The following PPIA variants were observed in gnomAD, a reference collection of about 807,000 sequenced individuals.
The protein encoded by PPIA is peptidyl-prolyl cis-trans isomerase A.
A neutral mutation model predicts 15.3 loss-of-function variants in PPIA; 2 were observed. That is an observed-to-expected ratio of 0.13 (90% confidence interval 0.05 to 0.41). The LOEUF is 0.41. Ranked by LOEUF, PPIA falls within the 10% of genes least tolerant of loss-of-function variation. PPIA has a pLI of 0.99. For synonymous variants in PPIA, 67 were observed against 73.1 expected (o/e 0.92, Z 0.43); for missense variants, 103 against 210.3 (o/e 0.49, Z 3.16).
At chr7:44,801,202 A>G (rs78710940) in intron 4 of PPIA, 85 bp from the exon 5 acceptor site, 5 of 1,388,898 alleles carry the variant, frequency 3.6e-6, no homozygotes, top group Non-Finnish European at 4.9e-6. Flanking sequence ...AAAAAAAAAA[A>G]GCTACCTTTC....
intron 4 of PPIA, 26 bp downstream of exon 4, chr7:44,799,900 C>A (rs138811894): frequency 6.9e-6 from 11 of 1,601,730 alleles, no homozygotes; most frequent in African/African-American, 5.3e-5. Context: ...GGCACACTAA[C>A]CACCTGACTA....
At chr7:44,800,032 A>ATG in intron 4 of PPIA, 158 bp downstream of exon 4, 1 of 733,342 alleles carries the variant, frequency 1.4e-6, no homozygotes, top group South Asian at 1.9e-5. Context: ...AATATAGCCA[A>ATG]TGTGATACAG....
At position 44,796,699 on chromosome 7, in the gene PPIA, C is replaced by G. The variant is rs980723407; in HGVS notation, c.-26C>G. 1.9e-6 allele frequency: 3 copies of G among 1,607,946 alleles called. No homozygotes were observed. Among genetic ancestry groups the G allele is most frequent in the East Asian group, 2.2e-5 (1 of 44,576 alleles). On this transcript the variant is annotated 5_prime_UTR_variant, in exon 1 of 5. Transcript: ENST00000468812. ...TCGTGCCGTTTTGCAGACGCCACCG[C>G]CGAGGAAAACCGTGTACTATTAGCC...
At chr7:44,799,313 A>C (rs1480246339) in intron 2 of PPIA, 36 bp downstream of exon 2, 1 of 1,612,242 alleles carries the variant, frequency 6.2e-7, no homozygotes, top group Admixed American at 1.7e-5. Context: ...AAGATGTTCC[A>C]ATTGTGACAG....
At chr7:44,799,982 C>A in intron 4 of PPIA, 108 bp downstream of exon 4, 1 of 1,153,718 alleles carries the variant, frequency 8.7e-7, no homozygotes, top group Non-Finnish European at 1.3e-6. Context: ...CAGACTTTTT[C>A]ATCCCTAAGA....
At chr7:44,801,203 G>A (rs77180519) in intron 4 of PPIA, 84 bp from the exon 5 acceptor site, 7 of 1,359,398 alleles carry the variant, frequency 5.1e-6, no homozygotes, top group Admixed American at 2.5e-5. Context: ...AAAAAAAAAA[G>A]CTACCTTTCT....
At chr7:44,797,233 G>A (rs1197637471) in intron 1 of PPIA, among the ~76,000 whole-genome samples, 1 of 152,202 alleles carries the variant, frequency 6.6e-6, no homozygotes, top group Non-Finnish European at 1.5e-5. Context: ...GCAGGCATGG[G>A]TGCTTTACAT....
intron 1 of PPIA, among the ~76,000 whole-genome samples, 199 bp downstream of exon 1, chr7:44,796,992 C>T (rs1792388714): frequency 6.6e-6 from 1 of 152,084 alleles, no homozygotes; most frequent in Non-Finnish European, 1.5e-5. Context: ...CGGCGGCGGA[C>T]AAAGGCAGGC....
chr7:44,797,317 G>A (rs2116980623), intron 1 of PPIA, among the ~76,000 whole-genome samples: 1 of 152,288 alleles, frequency 6.6e-6, no homozygotes, highest in South Asian at 2.1e-4. Flanking sequence ...TCCATGCTCG[G>A]TCCTGTAGAT....
intron 1 of PPIA, among the ~76,000 whole-genome samples, chr7:44,797,014 G>A (rs1015825687): frequency 7.2e-5 from 11 of 152,114 alleles, no homozygotes; most frequent in African/African-American, 2.7e-4. Flanking sequence ...GGGCGGCTGC[G>A]AGGCCGTTGG....
At chr7:44,797,885 G>A (rs891987508) in intron 1 of PPIA, 1 of 152,186 alleles carries the variant, frequency 6.6e-6, no homozygotes, top group Non-Finnish European at 1.5e-5. Context: ...TCCTCATGCA[G>A]TCTTCGTGAG....
rs1792569916 is a variant in PPIA at position 44,801,790 on chromosome 7, A to AT, written c.*369dup. The stretch of plus-strand genomic sequence containing the variant: ...ATGTTTGTTGAGTGGAATATTGAAA[A>AT]TGTAGGCAGCAACTGGGCATGGTGG... On this transcript the variant is annotated 3_prime_UTR_variant, in exon 5 of 5. Coordinates refer to ENST00000468812, the MANE Select transcript of PPIA (RefSeq NM_021130.5). The AT allele has an allele frequency of 9.8e-6, 2 of 203,738 alleles. No individual in the cohort carries two copies. The highest frequency in any genetic ancestry group is 1.5e-4 in the South Asian group (2 of 13,172). The allele number at this position is 203,738 out of a possible 1,614,324, so 12.6% of individuals were successfully genotyped here.
At chr7:44,800,397 G>GTTTTTTTT (rs139479853) in intron 4 of PPIA, 1 of 90,946 alleles carries the variant, frequency 1.1e-5, no homozygotes, top group Admixed American at 1.1e-4. Context: ...CCAATTAAGT[G>GTTTTTTTT]CTTTTTTTTT....
Position 44,802,325 on chromosome 7 carries a change from T to G in PPIA, c.*903T>G, listed in dbSNP as rs17860094. 7,816 of 152,144 alleles carry G rather than the reference T, an allele frequency of 0.051. 272 individuals carry two copies. The highest frequency in any genetic ancestry group is 0.078 in the Admixed American group (1,191 of 15,270). The allele number at this position is 152,144 out of a possible 1,614,324, so 9.4% of individuals were successfully genotyped here. A position where few individuals can be genotyped will look rare whatever the true frequency, so the allele number is the denominator to read the frequency against. On this transcript the variant is annotated 3_prime_UTR_variant, in exon 5 of 5. Transcript: ENST00000468812. Reference sequence around the variant, plus strand: ...CACCATGCCCAGCTAATTTTTGTATTTTTAGTATAGATGGGGTTTCATCAT... The same window carrying G: ...CACCATGCCCAGCTAATTTTTGTATGTTTAGTATAGATGGGGTTTCATCAT...
intron 4 of PPIA, 186 bp downstream of exon 4, chr7:44,800,060 TAG>T (rs1255860587): frequency 9.0e-6 from 6 of 664,140 alleles, no homozygotes; most frequent in Non-Finnish European, 1.5e-5. Flanking sequence ...GATACTATGA[TAG>T]AAACTTGGCC....
chr7:44,801,570 C>A lies in PPIA; in HGVS notation c.*148C>A, dbSNP rs547761897. 2.7e-5 allele frequency: 16 copies of A among 582,786 alleles called. No homozygotes were observed. The highest frequency in any genetic ancestry group is 2.2e-4 in the African/African-American group (12 of 53,354). The allele number at this position is 582,786 out of a possible 1,614,324, so 36.1% of individuals were successfully genotyped here. A position where few individuals can be genotyped will look rare whatever the true frequency, so the allele number is the denominator to read the frequency against. ...GTTCCATGTTTTCCTTGTTCCCTCC[C>A]ATGCCTAGCTGGATTGCAGAGTTAA... On this transcript the variant is annotated 3_prime_UTR_variant, in exon 5 of 5. Transcript: ENST00000468812.
intron 3 of PPIA, 66 bp from the exon 4 acceptor site, chr7:44,799,636 C>T: frequency 6.2e-7 from 1 of 1,603,408 alleles, no homozygotes; most frequent in South Asian, 1.1e-5. Flanking sequence ...AAAGTTTGAA[C>T]CTTGCAGATT....
At chr7:44,796,826 C>T in intron 1 of PPIA, 33 bp downstream of exon 1, 1 of 1,588,954 alleles carries the variant, frequency 6.3e-7, no homozygotes, top group African/African-American at 1.4e-5. Context: ...GGAATGGGGC[C>T]CAGAAAGTGG....
At chr7:44,799,901 C>G in intron 4 of PPIA, 27 bp downstream of exon 4, 1 of 1,601,440 alleles carries the variant, frequency 6.2e-7, no homozygotes, top group Non-Finnish European at 8.5e-7. Context: ...GCACACTAAC[C>G]ACCTGACTAA....
Sources: allele counts gnomAD v4.1 joint callset (sites outside exome capture counted in the v4.1 genomes callset), GRCh38; gene constraint gnomAD v4.1.1; transcripts MANE v1.5; gene names NCBI Gene and HGNC (gene_info 2026-07-23, HGNC 2026-07-21).